PCDH11X: variants seen among roughly 807,000 people sequenced by gnomAD.
PCDH11X encodes protocadherin 11 X-linked.
PCDH11X carries 18 observed loss-of-function variants against 53.3 expected under a neutral mutation model. That is an observed-to-expected ratio of 0.34 (90% CI 0.23 to 0.50). PCDH11X has a LOEUF of 0.50. PCDH11X is among the 20% of genes least tolerant of loss of function. PCDH11X has a pLI of 0.98. For synonymous variants in PCDH11X, 279 were observed against 393.3 expected, an observed-to-expected ratio of 0.71 and a Z score of 3.44; for missense variants, 570 against 1,032.4, an observed-to-expected ratio of 0.55 and a Z score of 6.14.
At chrX:92,103,855 T>A (rs1266426513) in intron 6 of PCDH11X, among the ~76,000 whole-genome samples, 1 of 109,509 alleles carries the variant, frequency 9.1e-6, no homozygotes, top group Non-Finnish European at 1.9e-5. Flanking sequence ...GAAGGTGAGG[T>A]TAATTAAGTC....
At chrX:92,290,115 T>G (rs190853071) in intron 8 of PCDH11X, among the ~76,000 whole-genome samples, 1 of 111,966 alleles carries the variant, frequency 8.9e-6, no homozygotes, top group Admixed American at 9.5e-5. Flanking sequence ...TGTTCTTATT[T>G]ATTTGACATC....
chrX:92,608,202 ATT>A (rs34633988), intron 10 of PCDH11X, among the ~76,000 whole-genome samples: 2 of 82,389 alleles, frequency 2.4e-5, no homozygotes, highest in African/African-American at 6.1e-5. Flanking sequence ...GAAAAAGAGA[ATT>A]TTTTTTTTTC....
intron 6 of PCDH11X, among the ~76,000 whole-genome samples, chrX:92,095,977 A>G (rs1469290062): frequency 8.9e-6 from 1 of 112,154 alleles, no homozygotes; most frequent in Non-Finnish European, 1.9e-5. Flanking sequence ...TTTTAGAAAC[A>G]AAGTTAAGGT....
At chrX:91,866,330 T>G (rs1225885560) in intron 5 of PCDH11X, among the ~76,000 whole-genome samples, 1 of 111,334 alleles carries the variant, frequency 9.0e-6, no homozygotes, top group East Asian at 2.9e-4. Context: ...CCTTATGGTC[T>G]AGGCTGCCTT....
At chrX:92,114,892 C>T (rs893596444) in intron 6 of PCDH11X, among the ~76,000 whole-genome samples, 1 of 110,361 alleles carries the variant, frequency 9.1e-6, no homozygotes, top group Non-Finnish European at 1.9e-5. Context: ...AGTGCAATGG[C>T]GCGAACTCGG....
chrX:92,171,219 A>T (rs1463972696), intron 6 of PCDH11X, among the ~76,000 whole-genome samples: 4 of 104,913 alleles, frequency 3.8e-5, no homozygotes, highest in African/African-American at 1.4e-4. Context: ...AAGGAAACTG[A>T]GATTCAGAGC....
chrX:92,218,336 T>G (rs1156959058), intron 7 of PCDH11X, among the ~76,000 whole-genome samples: 1 of 109,457 alleles, frequency 9.1e-6, no homozygotes, highest in Non-Finnish European at 1.9e-5. Context: ...AAGAATCAAA[T>G]AGACGCAATA....
chrX:92,463,389 C>A (rs990519890), intron 9 of PCDH11X, among the ~76,000 whole-genome samples: 8 of 110,045 alleles, frequency 7.3e-5, no homozygotes, highest in Non-Finnish European at 1.9e-5. Flanking sequence ...TTGATACTCC[C>A]TGCAATAAAA....
intron 9 of PCDH11X, among the ~76,000 whole-genome samples, chrX:92,421,305 C>T (rs896176860): frequency 1.9e-5 from 2 of 105,682 alleles, no homozygotes; most frequent in Non-Finnish European, 3.9e-5. Flanking sequence ...TTGTTCCTTT[C>T]TTTGTGTCCA....
intron 9 of PCDH11X, among the ~76,000 whole-genome samples, chrX:92,401,207 T>C (rs974596694): frequency 9.4e-6 from 1 of 106,240 alleles, no homozygotes; most frequent in Non-Finnish European, 1.9e-5. Context: ...AGATTGATAA[T>C]GTGTCATTGC....
At chrX:91,868,924 A>G (rs910934026) in intron 5 of PCDH11X, among the ~76,000 whole-genome samples, 8 of 111,559 alleles carry the variant, frequency 7.2e-5, no homozygotes, top group African/African-American at 2.6e-4. Context: ...TTTACAAGAA[A>G]TTTTTAAGAA....
chrX:91,819,218 C>G (rs1390635242), intron 4 of PCDH11X, among the ~76,000 whole-genome samples: 1 of 108,439 alleles, frequency 9.2e-6, no homozygotes, highest in Admixed American at 1.0e-4. Context: ...AATGATAAAT[C>G]ATTTTTCATT....
intron 6 of PCDH11X, among the ~76,000 whole-genome samples, chrX:92,067,462 T>G (rs2063628899): frequency 8.9e-6 from 1 of 111,853 alleles, no homozygotes; most frequent in Non-Finnish European, 1.9e-5. Flanking sequence ...CACATCACAT[T>G]GATTTGTGTA....
intron 10 of PCDH11X, among the ~76,000 whole-genome samples, chrX:92,480,790 T>A (rs2073486616): frequency 9.0e-6 from 1 of 111,662 alleles, no homozygotes; most frequent in Non-Finnish European, 1.9e-5. Flanking sequence ...CCAAAACATT[T>A]GGTAGGTCAG....
intron 10 of PCDH11X, among the ~76,000 whole-genome samples, chrX:92,609,737 C>T (rs72608349): frequency 0.23 from 25,726 of 109,601 alleles, 2,386 homozygotes; most frequent in African/African-American, 0.3. Context: ...CATAGTTGTT[C>T]AACCCTTTCT....
chrX:92,568,971 T>G (rs1921868452), intron 10 of PCDH11X, among the ~76,000 whole-genome samples: 1 of 112,131 alleles, frequency 8.9e-6, no homozygotes, highest in Non-Finnish European at 1.9e-5. Context: ...TCTCTCATGT[T>G]CAAAGATAAT....
chrX:92,445,090 A>C (rs1429788066), intron 9 of PCDH11X, among the ~76,000 whole-genome samples: 1 of 100,110 alleles, frequency 1.0e-5, no homozygotes, highest in Non-Finnish European at 2.0e-5. Context: ...GCTGCAGAGG[A>C]GCTCTTTCTC....
intron 10 of PCDH11X, among the ~76,000 whole-genome samples, chrX:92,481,024 G>A (rs1402942052): frequency 1.8e-5 from 2 of 110,665 alleles, no homozygotes; most frequent in Admixed American, 1.9e-4. Flanking sequence ...TAGCGCAAGG[G>A]CTGGACGCTG....
chrX:92,200,318 G>A (rs1459399062), intron 6 of PCDH11X, among the ~76,000 whole-genome samples: 1 of 111,284 alleles, frequency 9.0e-6, no homozygotes, highest in Non-Finnish European at 1.9e-5. Context: ...CTAGCACCTT[G>A]GTGATGGGAA....
Sources: allele counts gnomAD v4.1 joint callset (sites outside exome capture counted in the v4.1 genomes callset), GRCh38; gene constraint gnomAD v4.1.1; transcripts MANE v1.5; gene names NCBI Gene and HGNC (gene_info 2026-07-23, HGNC 2026-07-21).